CELF4: variants seen among roughly 807,000 people sequenced by gnomAD.
CELF4 encodes CUGBP Elav-like family member 4, also known as CUG-BP- and ETR-3-like factor 4.
CELF4 carries 18 observed loss-of-function variants against 59.9 expected under a neutral mutation model. The ratio of observed to expected loss-of-function variants is 0.30; its 90% CI spans 0.21 to 0.45. The LOEUF (loss-of-function observed/expected upper bound fraction) is 0.45. Among genes scored for constraint, CELF4 ranks in the 20% least tolerant of loss-of-function variants. CELF4 has a pLI of 1.00. For missense variants in CELF4, 456 were observed against 689.0 expected (o/e 0.66, Z 3.79); for synonymous variants, 261 against 267.1 (o/e 0.98, Z 0.22).
At chr18:37,502,320 G>A (rs1293916593) in intron 1 of CELF4, among the ~76,000 whole-genome samples, 1 of 152,068 alleles carries the variant, frequency 6.6e-6, no homozygotes, top group Non-Finnish European at 1.5e-5. Context: ...TTTTTCTACT[G>A]GGAACCGACA....
At chr18:37,377,418 C>T (rs1339812959) in intron 2 of CELF4, among the ~76,000 whole-genome samples, 1 of 152,186 alleles carries the variant, frequency 6.6e-6, no homozygotes, top group Non-Finnish European at 1.5e-5. Context: ...TCCCCCTTCC[C>T]AGACAAATCC....
At chr18:37,552,339 T>C (rs944534830) in intron 1 of CELF4, among the ~76,000 whole-genome samples, 5 of 152,236 alleles carry the variant, frequency 3.3e-5, no homozygotes, top group Non-Finnish European at 7.3e-5. Context: ...CCCTGGGGCT[T>C]TCCTGCAGGG....
intron 2 of CELF4, among the ~76,000 whole-genome samples, chr18:37,458,293 C>A (rs1192510603): frequency 6.6e-6 from 1 of 152,160 alleles, no homozygotes; most frequent in Non-Finnish European, 1.5e-5. Flanking sequence ...CTAGCACCAC[C>A]CCTGAGTTTT....
chr18:37,387,642 G>A (rs1384065608), intron 2 of CELF4, among the ~76,000 whole-genome samples: 1 of 152,228 alleles, frequency 6.6e-6, no homozygotes, highest in South Asian at 2.1e-4. Context: ...GGCCTCAGGA[G>A]GCTGGTGGAA....
At chr18:37,331,767 T>G in intron 2 of CELF4, among the ~76,000 whole-genome samples, 1 of 151,330 alleles carries the variant, frequency 6.6e-6, no homozygotes, top group African/African-American at 2.4e-5. Context: ...GGGGTGGGAA[T>G]AACCACCAAA....
intron 1 of CELF4, among the ~76,000 whole-genome samples, chr18:37,491,558 G>A (rs1346260396): frequency 6.6e-6 from 1 of 152,072 alleles, no homozygotes; most frequent in East Asian, 1.9e-4. Flanking sequence ...GCAAGCTGGA[G>A]ACCAAGAGGG....
At chr18:37,361,886 C>A (rs557084754) in intron 2 of CELF4, among the ~76,000 whole-genome samples, 1 of 151,994 alleles carries the variant, frequency 6.6e-6, no homozygotes, top group Non-Finnish European at 1.5e-5. Context: ...TCCTTCCCAG[C>A]GCTTGAGAGC....
intron 2 of CELF4, among the ~76,000 whole-genome samples, chr18:37,326,721 C>G (rs1368253410): frequency 6.6e-6 from 1 of 152,114 alleles, no homozygotes; most frequent in Non-Finnish European, 1.5e-5. Context: ...TCTTAGGGAG[C>G]GAGTGGGCCT....
In CELF4 at chr18:37,243,946, G is replaced by C. The variant is rs558558575; in HGVS notation, c.*1296C>G. The stretch of plus-strand genomic sequence containing the variant: ...CGGCGGCGACCCGGGCGACGCGACC[G>C]TTCCCGACCGACGGCGTGGCCTCCA... On this transcript the variant is annotated 3_prime_UTR_variant, in exon 13 of 13. Coordinates refer to ENST00000420428, the MANE Select transcript of CELF4 (RefSeq NM_020180.4). The C allele has an allele frequency of 5.0e-4, 89 of 178,732 alleles. No individual in the cohort carries two copies. The highest frequency in any genetic ancestry group is 1.9e-3 in the African/African-American group (80 of 42,058). 11.1% of individuals were successfully genotyped at this position (178,732 alleles called of 1,614,324 possible).
chr18:37,368,907 G>T (rs537914711), intron 2 of CELF4, among the ~76,000 whole-genome samples: 11 of 152,338 alleles, frequency 7.2e-5, no homozygotes, highest in African/African-American at 2.6e-4. Context: ...GGGCATCCCT[G>T]TTTGGGGGAG....
chr18:37,447,640 T>G (rs1449041806), intron 2 of CELF4, among the ~76,000 whole-genome samples: 1 of 152,230 alleles, frequency 6.6e-6, no homozygotes, highest in African/African-American at 2.4e-5. Flanking sequence ...GAGCCCTCTT[T>G]GCAGGTCAGC....
At chr18:37,368,582 C>G (rs1333558856) in intron 2 of CELF4, among the ~76,000 whole-genome samples, 3 of 152,200 alleles carry the variant, frequency 2.0e-5, no homozygotes, top group Non-Finnish European at 4.4e-5. Flanking sequence ...ATTTCAAATC[C>G]AATTTTCTGC....
chr18:37,396,732 G>A (rs1410812561), intron 2 of CELF4, among the ~76,000 whole-genome samples: 2 of 152,160 alleles, frequency 1.3e-5, no homozygotes, highest in African/African-American at 2.4e-5. Context: ...GTCAGTCTGG[G>A]ATAGGAGATT....
intron 2 of CELF4, among the ~76,000 whole-genome samples, chr18:37,473,002 G>C (rs73947241): frequency 2.6e-5 from 4 of 152,006 alleles, no homozygotes; most frequent in Non-Finnish European, 5.9e-5. Flanking sequence ...CGAACCCTGC[G>C]ACTCAGCCTG....
intron 2 of CELF4, among the ~76,000 whole-genome samples, chr18:37,466,285 T>C (rs531723220): frequency 2.6e-4 from 39 of 152,322 alleles, no homozygotes; most frequent in African/African-American, 9.1e-4. Flanking sequence ...TAAACACCCA[T>C]CACATTAATA....
intron 2 of CELF4, among the ~76,000 whole-genome samples, chr18:37,332,300 G>A (rs1412490996): frequency 6.6e-6 from 1 of 152,158 alleles, no homozygotes; most frequent in Non-Finnish European, 1.5e-5. Context: ...TGTGGGGTGG[G>A]ACGCAGTGGT....
intron 2 of CELF4, among the ~76,000 whole-genome samples, chr18:37,345,112 T>C (rs1341777384): frequency 6.6e-6 from 1 of 152,066 alleles, no homozygotes; most frequent in African/African-American, 2.4e-5. Flanking sequence ...AGGCTCTGTC[T>C]CTGGAGGGGC....
At chr18:37,355,572 C>T (rs983457642) in intron 2 of CELF4, among the ~76,000 whole-genome samples, 2 of 152,090 alleles carry the variant, frequency 1.3e-5, no homozygotes, top group Admixed American at 1.3e-4. Flanking sequence ...ACACGGGAGG[C>T]TGAGGCAGGA....
intron 2 of CELF4, among the ~76,000 whole-genome samples, chr18:37,459,107 T>C (rs1436617350): frequency 6.6e-6 from 1 of 152,206 alleles, no homozygotes; most frequent in African/African-American, 2.4e-5. Context: ...CCTGGGACAC[T>C]TTCTGATTCT....
Sources: gnomAD v4.1 joint callset for allele counts (sites outside exome capture counted in the v4.1 genomes callset) on GRCh38, gnomAD v4.1.1 for gene constraint, MANE v1.5 for transcripts, NCBI Gene and HGNC (gene_info 2026-07-23, HGNC 2026-07-21) for gene names.